MACF1: variants seen among roughly 807,000 people sequenced by gnomAD.
MACF1 encodes the protein microtubule actin crosslinking factor 1, also known as microtubule-actin cross-linking factor 1.
In MACF1, 193 loss-of-function variants were observed where a neutral mutation model predicts 854.8. That is an observed-to-expected ratio of 0.23 (90% CI 0.20 to 0.25). MACF1 has a LOEUF of 0.25. Among genes scored for constraint, MACF1 ranks in the 10% least tolerant of loss-of-function variants. MACF1 has a pLI of 1.00. For missense variants in MACF1, 7,722 were observed against 8,929.1 expected, an observed-to-expected ratio of 0.86 and a Z score of 5.45; for synonymous variants, 3,185 against 3,226.7, an observed-to-expected ratio of 0.99 and a Z score of 0.44.
rs777884324 is a variant in MACF1, at chr1:39,297,715, C to T, written c.2451C>T (p.Ser817=). The change falls in exon 21 of 101, where the codon TCC becomes TCT. Residue 817 remains serine, a synonymous_variant. Coordinates refer to ENST00000564288, the MANE Select transcript of MACF1 (RefSeq NM_001394062.1). ...CCTGTGACCACAACACCAGCTTATC[C>T]CGCCTTGAAGACCTGCTCCAGGACT... ...KYSCDHNTSL[S]RLEDLLQDSM... The T allele has an allele frequency of 1.4e-5, 22 of 1,614,148 alleles. No homozygotes were observed. In the East Asian group the frequency reaches 4.9e-4, roughly 36 times the overall value.
intron 62 of MACF1, 128 bp downstream of exon 62, chr1:39,427,742 T>C: frequency 9.6e-7 from 1 of 1,042,532 alleles, no homozygotes; most frequent in Non-Finnish European, 1.4e-6. Context: ...GTCAGATTAT[T>C]AATTGGAAAA....
chr1:39,180,782 G>A (rs767921890), intron 2 of MACF1, among the ~76,000 whole-genome samples: 1 of 152,184 alleles, frequency 6.6e-6, no homozygotes, highest in Non-Finnish European at 1.5e-5. Flanking sequence ...GGCCTTTGCT[G>A]TTCCTCTCAT....
At chr1:39,446,303 AT>A (rs1338900188) in intron 80 of MACF1, among the ~76,000 whole-genome samples, 2 of 141,354 alleles carry the variant, frequency 1.4e-5, no homozygotes, top group Non-Finnish European at 3.0e-5. Flanking sequence ...TATATCTTTT[AT>A]ATCTATAAAG....
In MACF1 at chr1:39,341,542, A is replaced by C. The variant is rs1007191858; in HGVS notation, c.10581+589A>C. On this transcript the variant is annotated intron_variant, in intron 40 of 100. Coordinates refer to ENST00000564288, the MANE Select transcript of MACF1 (RefSeq NM_001394062.1). ...GAAACCCCGTCTCTATTAAAAATAC[A>C]AAAAAATTAGCCGGGCGGTGTGGCA... 7.9e-5 allele frequency among the ~76,000 whole-genome samples: 12 copies of C among 151,556 alleles called. No individual in the cohort carries two copies. In the East Asian group the frequency reaches 2.4e-3, roughly 30 times the overall value.
chr1:39,336,159 G>A lies in MACF1; in HGVS notation c.9571G>A (p.Val3191Ile). 2 of 1,614,134 alleles carry A rather than the reference G, an allele frequency of 1.2e-6. No homozygotes were observed. The highest frequency in any genetic ancestry group is 1.7e-6 in the Non-Finnish European group (2 of 1,180,018). ...AGGTCTTAAATTGGAAGAAATCACAGTTTCTAGACCAGATTCAAAAGAAGT... is the reference window on the plus strand; with the variant it reads ...AGGTCTTAAATTGGAAGAAATCACAATTTCTAGACCAGATTCAAAAGAAGT... ...ARGLKLEEITVSRPDSKEVRY... is the reference protein window; with the variant it reads ...ARGLKLEEITISRPDSKEVRY... Residue 3191 changes from valine (V) to isoleucine (I), a missense_variant, in exon 37 of 101, where the codon GTT (valine) becomes ATT (isoleucine). Val to Ile is a conservative substitution (Grantham distance 29, BLOSUM62 3). Coordinates refer to ENST00000564288, the MANE Select transcript of MACF1 (RefSeq NM_001394062.1).
At chr1:39,269,517 C>T in intron 6 of MACF1, 1 of 1,289,798 alleles carries the variant, frequency 7.8e-7, no homozygotes, top group Non-Finnish European at 1.0e-6. Flanking sequence ...TTCCAGACTG[C>T]CTACTTCTCA....
chr1:39,262,397 C>CAAAAAAAAAAAAAA (rs56376033), intron 6 of MACF1, among the ~76,000 whole-genome samples: 1 of 68,804 alleles, frequency 1.5e-5, no homozygotes, highest in African/African-American at 5.9e-5. Context: ...GACTCCATCA[C>CAAAAAAAAAAAAAA]AAAAAAAAAA....
chr1:39,113,028 C>T (rs902527622), intron 2 of MACF1, among the ~76,000 whole-genome samples: 1 of 152,108 alleles, frequency 6.6e-6, no homozygotes, highest in Non-Finnish European at 1.5e-5. Context: ...CCTCATGACT[C>T]AATTACAATG....
At chr1:39,092,990 T>C (rs1256879756) in intron 2 of MACF1, among the ~76,000 whole-genome samples, 2 of 152,136 alleles carry the variant, frequency 1.3e-5, no homozygotes, top group Non-Finnish European at 2.9e-5. Context: ...TTCACCATCT[T>C]GGCCAGGCTG....
chr1:39,311,652 T>C (rs940509210), intron 26 of MACF1, among the ~76,000 whole-genome samples: 3 of 152,232 alleles, frequency 2.0e-5, no homozygotes, highest in African/African-American at 7.2e-5. Flanking sequence ...ATAAAGATCC[T>C]TGTTTTTTGG....
In MACF1 at chr1:39,332,444, C is replaced by T. The variant is rs1331395765; in HGVS notation, c.5856C>T (p.His1952=). 1.2e-6 allele frequency: 2 copies of T among 1,614,024 alleles called. No individual in the cohort carries two copies. Among genetic ancestry groups the T allele is most frequent in the Admixed American group, 1.7e-5 (1 of 60,014 alleles). ...GAAVLPCSKS[H]PKATASQSEN... The stretch of plus-strand genomic sequence containing the variant: ...CAGTTCTACCGTGCAGCAAGAGCCA[C>T]CCTAAGGCCACAGCAAGCCAGAGTG... The change falls in exon 37 of 101, where the codon CAC becomes CAT. Residue 1952 remains histidine (H), a synonymous_variant. Coordinates refer to ENST00000564288, the MANE Select transcript of MACF1 (RefSeq NM_001394062.1).
intron 2 of MACF1, among the ~76,000 whole-genome samples, chr1:39,115,023 A>G (rs1301760120): frequency 6.6e-6 from 1 of 152,118 alleles, no homozygotes; most frequent in Non-Finnish European, 1.5e-5. Flanking sequence ...GATGTGAGGG[A>G]AGGAGAGATG....
chr1:39,344,244 A>G (rs780546189), intron 40 of MACF1, among the ~76,000 whole-genome samples: 1 of 152,030 alleles, frequency 6.6e-6, no homozygotes, highest in South Asian at 2.1e-4. Context: ...CCTGGCCAAC[A>G]TGGTGAAACC....
chr1:39,266,909 A>G (rs963887755), intron 6 of MACF1, among the ~76,000 whole-genome samples: 10 of 152,082 alleles, frequency 6.6e-5, no homozygotes, highest in African/African-American at 2.4e-4. Flanking sequence ...TGAAATTCAG[A>G]CTTCCTGCCC....
intron 58 of MACF1, chr1:39,411,465 A>C (rs779832861): frequency 1.2e-6 from 2 of 1,613,726 alleles, no homozygotes; most frequent in Non-Finnish European, 1.7e-6. Context: ...CTGATGACCC[A>C]CAGCCAGCCA....
At chr1:39,369,817 C>T (rs1029451874) in intron 50 of MACF1, among the ~76,000 whole-genome samples, 4 of 152,184 alleles carry the variant, frequency 2.6e-5, no homozygotes, top group African/African-American at 9.7e-5. Context: ...ACCTCTTTCC[C>T]CAGAAATGTC....
intron 1 of MACF1, among the ~76,000 whole-genome samples, chr1:39,223,104 G>A (rs1644673810): frequency 6.6e-6 from 1 of 152,222 alleles, no homozygotes; most frequent in African/African-American, 2.4e-5. Context: ...GGATAGTTGA[G>A]TTGAAGGCTG....
Position 39,105,842 on chromosome 1 carries a change from G to T in MACF1, c.220+21404G>T, listed in dbSNP as rs1329873995. 2 of 739,754 alleles carry T rather than the reference G, an allele frequency of 2.7e-6. No individual in the cohort carries two copies. The highest frequency in any genetic ancestry group is 3.8e-5 in the African/African-American group (2 of 52,286). 45.8% of individuals were successfully genotyped at this position (739,754 alleles called of 1,614,324 possible). On this transcript the variant is annotated intron_variant, in intron 2 of 93. Coordinates refer to the MACF1 transcript ENST00000361689. The surrounding 1 kb of genome is among the most constrained non-coding windows in gnomAD (Gnocchi z 5.9). ...GGTCGCACCCACCGCGCGGGGCTTGGCCCTGAGCTGCTGCTTCTCGGGGCC... is the reference window on the plus strand; with the variant it reads ...GGTCGCACCCACCGCGCGGGGCTTGTCCCTGAGCTGCTGCTTCTCGGGGCC...
At chr1:39,090,962 CA>C (rs755109718) in intron 2 of MACF1, among the ~76,000 whole-genome samples, 46 of 146,792 alleles carry the variant, frequency 3.1e-4, no homozygotes, top group Admixed American at 9.1e-4. Context: ...TGCTTGTTGC[CA>C]CATGTCAGTT....
Sources: allele counts gnomAD v4.1 joint callset (sites outside exome capture counted in the v4.1 genomes callset), GRCh38; gene constraint gnomAD v4.1.1; non-coding constraint Gnocchi (gnomAD v3.1); transcripts MANE v1.5; gene names NCBI Gene and HGNC (gene_info 2026-07-23, HGNC 2026-07-21).